Variants in TENM2 observed in about 807,000 individuals in gnomAD.
TENM2 encodes the protein teneurin transmembrane protein 2.
TENM2 carries 52 observed loss-of-function variants against 245.2 expected under a neutral mutation model. That is an observed-to-expected ratio of 0.21 (90% CI 0.17 to 0.27). The LOEUF is 0.27. Ranked by LOEUF, TENM2 falls within the 10% of genes least tolerant of loss-of-function variation. TENM2 has a pLI of 1.00. For missense variants in TENM2, 3,046 were observed against 3,666.8 expected, an observed-to-expected ratio of 0.83 and a Z score of 4.37; for synonymous variants, 1,363 against 1,438.9, an observed-to-expected ratio of 0.95 and a Z score of 1.19.
At chr5:167,698,884 G>A (rs1231879694) in intron 2 of TENM2, among the ~76,000 whole-genome samples, 2 of 151,594 alleles carry the variant, frequency 1.3e-5, no homozygotes, top group African/African-American at 2.4e-5. Context: ...GGATTTCACC[G>A]TGTTAGCCAG....
At chr5:167,730,451 C>T (rs544804377) in intron 2 of TENM2, among the ~76,000 whole-genome samples, 1 of 152,180 alleles carries the variant, frequency 6.6e-6, no homozygotes, top group Non-Finnish European at 1.5e-5. Flanking sequence ...TTGGTGTCAT[C>T]CAGCATTTGA....
intron 1 of TENM2, among the ~76,000 whole-genome samples, chr5:167,336,974 G>A (rs948860336): frequency 2.7e-5 from 4 of 149,976 alleles, no homozygotes; most frequent in South Asian, 2.1e-4. Flanking sequence ...AAAATTAGCC[G>A]GGCGCGGTGG....
chr5:168,030,982 G>T (rs950318062), intron 5 of TENM2, among the ~76,000 whole-genome samples: 1 of 152,152 alleles, frequency 6.6e-6, no homozygotes, highest in African/African-American at 2.4e-5. Flanking sequence ...TTCAGAGAAG[G>T]TTGGTGGAAA....
intron 2 of TENM2, among the ~76,000 whole-genome samples, chr5:167,566,129 A>G (rs935310458): frequency 6.6e-6 from 1 of 152,124 alleles, no homozygotes; most frequent in Non-Finnish European, 1.5e-5. Context: ...TTGTTCTGGA[A>G]ACAGTTATTC....
Position 168,252,572 on chromosome 5 carries a change from G to A in TENM2, c.7432+4201G>A, listed in dbSNP as rs142075815. The stretch of plus-strand genomic sequence containing the variant: ...AAGACACCACTTCTTGGCCAGGCGC[G>A]GTGACTCACACCTGTAATCCCAGCA... On this transcript the variant is annotated intron_variant, in intron 27 of 28. Coordinates refer to ENST00000518659, the Ensembl canonical transcript of TENM2. Among the ~76,000 whole-genome samples the A allele has an allele frequency of 6.3e-3, 954 of 151,592 alleles. 11 individuals carry two copies. Among genetic ancestry groups the A allele is most frequent in the African/African-American group, 0.022 (913 of 41,370 alleles).
At chr5:167,138,113 C>G in the TENM2 span, among the ~76,000 whole-genome samples, 8 of 152,198 alleles carry the variant, frequency 5.3e-5, no homozygotes, top group African/African-American at 1.4e-4. Flanking sequence ...TGAGGCTGTT[C>G]ACTACTGTCT....
At chr5:167,197,372 C>T in the TENM2 span, among the ~76,000 whole-genome samples, 1 of 151,996 alleles carries the variant, frequency 6.6e-6, no homozygotes, top group African/African-American at 2.4e-5. Context: ...ATGACTTGTT[C>T]AAGAATCAGT....
At chr5:167,220,337 GTGTTAGCCT>G in the TENM2 span, among the ~76,000 whole-genome samples, 18 of 152,194 alleles carry the variant, frequency 1.2e-4, no homozygotes, top group Non-Finnish European at 2.5e-4. Context: ...ATAGCCAATA[GTGTTAGCCT>G]CTTTCTTTTG....
the TENM2 span, among the ~76,000 whole-genome samples, chr5:167,007,401 C>A: frequency 4.6e-5 from 7 of 152,196 alleles, no homozygotes; most frequent in Admixed American, 6.5e-5. This position sits in a 1 kb window ranked among gnomAD's most constrained non-coding sequence, Gnocchi z 4.2. Context: ...CATATTTAAT[C>A]TTTTGCCTTA....
At chr5:167,762,281 A>G (rs1176812160) in intron 2 of TENM2, among the ~76,000 whole-genome samples, 1 of 152,022 alleles carries the variant, frequency 6.6e-6, no homozygotes, top group Non-Finnish European at 1.5e-5. Flanking sequence ...ATCCCCAAAG[A>G]CCTTTGTTTC....
rs187409944 is a variant in TENM2, at chr5:168,064,896, G to A, written c.1515+2631G>A. On this transcript the variant is annotated intron_variant, in intron 7 of 28. Coordinates refer to ENST00000518659, the Ensembl canonical transcript of TENM2. Reference sequence around the variant, plus strand: ...AGAAAGAAAGAAAAAGACTCCGTATGTATTCTCACATTCATTCGCTGTCAT... The same window carrying A: ...AGAAAGAAAGAAAAAGACTCCGTATATATTCTCACATTCATTCGCTGTCAT... Among the ~76,000 whole-genome samples the A allele has an allele frequency of 1.4e-3, 219 of 152,330 alleles. 2 individuals are homozygous for A. The highest frequency in any genetic ancestry group is 5.0e-3 in the African/African-American group (206 of 41,588).
chr5:167,626,571 C>G (rs1561614224), intron 2 of TENM2, among the ~76,000 whole-genome samples: 1 of 152,120 alleles, frequency 6.6e-6, no homozygotes, highest in Non-Finnish European at 1.5e-5. Flanking sequence ...TGGGCACTAG[C>G]CCAGATGTAC....
chr5:168,180,352 C>T (rs1759761087), intron 13 of TENM2, among the ~76,000 whole-genome samples: 1 of 152,222 alleles, frequency 6.6e-6, no homozygotes, highest in Non-Finnish European at 1.5e-5. Context: ...TCCAGGAAGT[C>T]CTGCTGTAAA....
chr5:167,302,657 A>G (rs530406099), intron 1 of TENM2, among the ~76,000 whole-genome samples: 81 of 150,226 alleles, frequency 5.4e-4, no homozygotes, highest in African/African-American at 1.9e-3. Context: ...GAAATAAGGG[A>G]CTGGGGGGTT....
At chr5:168,261,234 A>C (rs923698264) in intron 28 of TENM2, among the ~76,000 whole-genome samples, 3 of 152,148 alleles carry the variant, frequency 2.0e-5, no homozygotes, top group Admixed American at 6.5e-5. Flanking sequence ...CAATTGAGAC[A>C]AGTTGTAATT....
At chr5:167,883,991 C>A (rs1445135959) in intron 3 of TENM2, among the ~76,000 whole-genome samples, 2 of 152,120 alleles carry the variant, frequency 1.3e-5, no homozygotes, top group Non-Finnish European at 2.9e-5. Context: ...TGGACTCTGA[C>A]GTCCATACTA....
chr5:167,397,314 TC>T (rs552640487), intron 2 of TENM2, among the ~76,000 whole-genome samples: 11 of 152,186 alleles, frequency 7.2e-5, no homozygotes, highest in African/African-American at 2.6e-4. Context: ...GAAAATATTA[TC>T]TTGTTAAAAC....
chr5:168,164,225 A>G (rs1315438889), intron 13 of TENM2, among the ~76,000 whole-genome samples: 2 of 152,162 alleles, frequency 1.3e-5, no homozygotes, highest in African/African-American at 4.8e-5. Context: ...GGCCTGCCAC[A>G]CTGCTCTCTT....
At chr5:167,797,974 C>T (rs1052830122) in intron 2 of TENM2, among the ~76,000 whole-genome samples, 13 of 152,284 alleles carry the variant, frequency 8.5e-5, no homozygotes, top group Middle Eastern at 6.8e-3. Context: ...GGTTCTGGCA[C>T]CATTTTGGTA....
Sources: allele counts gnomAD v4.1 joint callset (sites outside exome capture counted in the v4.1 genomes callset), GRCh38; gene constraint gnomAD v4.1.1; non-coding constraint Gnocchi (gnomAD v3.1); transcripts MANE v1.5; gene names NCBI Gene and HGNC (gene_info 2026-07-23, HGNC 2026-07-21).